Variants in RNF212B observed in about 807,000 individuals in gnomAD.
RNF212B encodes E3 ubiquitin-protein ligase RNF212B.
In RNF212B, 52 loss-of-function variants were observed where a neutral mutation model predicts 55.5. The ratio of observed to expected loss-of-function variants is 0.94; its 90% confidence interval spans 0.75 to 1.18. The LOEUF (loss-of-function observed/expected upper bound fraction) is 1.18, where lower values mean the gene tolerates loss of function less well. RNF212B is among the 50% of genes most tolerant of loss of function. The pLI is 0.00. For synonymous variants in RNF212B, 99 were observed against 121.4 expected (o/e 0.82, Z 1.21); for missense variants, 289 against 350.4 (o/e 0.82, Z 1.40).
At chr14:23,239,879 A>G (rs1449946097) in intron 1 of RNF212B, among the ~76,000 whole-genome samples, 2 of 152,072 alleles carry the variant, frequency 1.3e-5, no homozygotes, top group Non-Finnish European at 2.9e-5. Flanking sequence ...TCGGCCTCCC[A>G]AAGTGCTGGG....
chr14:23,210,200 G>T (rs1008202121), intron 2 of RNF212B, among the ~76,000 whole-genome samples: 1 of 152,104 alleles, frequency 6.6e-6, no homozygotes, highest in African/African-American at 2.4e-5. Flanking sequence ...GTTGAATCAT[G>T]ATACAAGCAT....
Position 23,243,260 on chromosome 14 carries a change from A to AAC in RNF212B, c.105_106insAC (p.Cys36ThrfsTer18). 1 of 1,549,542 alleles carries AAC rather than the reference A, an allele frequency of 6.5e-7. No individual in the cohort carries two copies. Among genetic ancestry groups the AAC allele is most frequent in the Non-Finnish European group, 8.7e-7 (1 of 1,146,820 alleles). ...TTTTTTCCCTTTTCCTCCCAGAAAAATGTGCTGTTTGTGGAACTGCCTGCA... is the reference window on the plus strand; with the variant it reads ...TTTTTTCCCTTTTCCTCCCAGAAAAAACTGTGCTGTTTGTGGAACTGCCTGCA... On this transcript the variant is annotated frameshift_variant, in exon 3 of 15. Transcript: ENST00000430154. LOFTEE classifies it high-confidence loss of function.
upstream of RNF212B, among the ~76,000 whole-genome samples, chr14:23,232,945 T>A (rs866343432): frequency 6.6e-6 from 1 of 151,990 alleles, no homozygotes; most frequent in Admixed American, 6.5e-5. Flanking sequence ...ATGATGACGA[T>A]GGTGGTTTTG....
intron 2 of RNF212B, among the ~76,000 whole-genome samples, chr14:23,194,301 C>G (rs1007031781): frequency 7.2e-5 from 11 of 152,204 alleles, no homozygotes; most frequent in Admixed American, 1.3e-4. Context: ...ATTAAAAGAA[C>G]ACTCAAGAAG....
chr14:23,240,569 C>A, intron 2 of RNF212B, 124 bp downstream of exon 2: 1 of 551,928 alleles, frequency 1.8e-6, no homozygotes. Context: ...GATAAAGATA[C>A]TGTAGGAAAC....
intron 1 of RNF212B, among the ~76,000 whole-genome samples, chr14:23,191,565 T>C (rs138424719): frequency 6.6e-6 from 1 of 152,286 alleles, no homozygotes; most frequent in Non-Finnish European, 1.5e-5. Flanking sequence ...TTTTATCTTT[T>C]AGATATATAT....
chr14:23,216,971 G>C (rs1881142922), intron 2 of RNF212B, among the ~76,000 whole-genome samples: 2 of 144,384 alleles, frequency 1.4e-5, no homozygotes, highest in African/African-American at 5.1e-5. Context: ...TAAAATTATA[G>C]AACTGGAGAG....
Position 23,273,100 on chromosome 14 carries a change from GATGTT to G in RNF212B, c.*210_*214del. The G allele has an allele frequency of 2.5e-6, 1 of 401,104 alleles. No individual in the cohort carries two copies. The highest frequency in any genetic ancestry group is 2.1e-5 in the African/African-American group (1 of 48,152). The allele number at this position is 401,104 out of a possible 1,614,324, so 24.8% of individuals were successfully genotyped here. A position where few individuals can be genotyped will look rare whatever the true frequency, so the allele number is the denominator to read the frequency against. On this transcript the variant is annotated 3_prime_UTR_variant, in exon 15 of 15. Coordinates refer to ENST00000430154, the MANE Select transcript of RNF212B (RefSeq NM_001282322.3). ...TTACAAAAGGCTAGTGCTTCAGGAA[GATGTT>G]TATATCTCTTCCAGAAGACACTGGT...
intron 2 of RNF212B, among the ~76,000 whole-genome samples, chr14:23,214,240 T>A (rs1880854866): frequency 2.6e-5 from 4 of 152,198 alleles, no homozygotes; most frequent in Non-Finnish European, 5.9e-5. Flanking sequence ...AAGCCTGTAA[T>A]CCCAGCATTT....
At chr14:23,189,678 G>A (rs1190526102) in intron 1 of RNF212B, among the ~76,000 whole-genome samples, 1 of 152,012 alleles carries the variant, frequency 6.6e-6, no homozygotes, top group Non-Finnish European at 1.5e-5. Flanking sequence ...GTGTGGTGGT[G>A]CATGCCTGTA....
In RNF212B at chr14:23,227,607, T is replaced by TTTTTG. The variant is rs147863352; in HGVS notation, c.-1-12735_-1-12734insTGTTT. Among the ~76,000 whole-genome samples the TTTTTG allele has an allele frequency of 1.4e-3, 216 of 151,996 alleles. 1 individual carries two copies. Among genetic ancestry groups the TTTTTG allele is most frequent in the African/African-American group, 5.2e-3 (214 of 41,464 alleles). ...ACATTAAATCGAACAAAAAGTGTTT[T>TTTTTG]TTTGTTTGTTTTGAGACTAGTTCTC... On this transcript the variant is annotated intron_variant, in intron 2 of 15. Coordinates refer to the RNF212B transcript ENST00000399910.
chr14:23,222,846 A>G, intron 2 of RNF212B, among the ~76,000 whole-genome samples: 1 of 152,076 alleles, frequency 6.6e-6, no homozygotes, highest in East Asian at 1.9e-4. Context: ...TGAGGTCAGG[A>G]GTTCGAGACC....
At chr14:23,195,038 G>T (rs887336316) in intron 2 of RNF212B, among the ~76,000 whole-genome samples, 1 of 152,018 alleles carries the variant, frequency 6.6e-6, no homozygotes, top group Admixed American at 6.6e-5. Context: ...AGAAAATAAG[G>T]TAAAGACTTT....
chr14:23,196,226 T>C (rs970227134), intron 2 of RNF212B, among the ~76,000 whole-genome samples: 4 of 152,134 alleles, frequency 2.6e-5, no homozygotes, highest in African/African-American at 9.7e-5. Context: ...TTCTTTCTGA[T>C]TGTAACTACC....
chr14:23,265,484 C>T (rs1208423498), intron 11 of RNF212B, among the ~76,000 whole-genome samples: 2 of 152,288 alleles, frequency 1.3e-5, no homozygotes, highest in South Asian at 2.1e-4. Context: ...TAGAGAATAC[C>T]TATCAGAGAA....
At chr14:23,226,457 C>A (rs1036830690) in intron 2 of RNF212B, among the ~76,000 whole-genome samples, 2 of 151,790 alleles carry the variant, frequency 1.3e-5, no homozygotes, top group Non-Finnish European at 2.9e-5. Flanking sequence ...GGTGGAACCC[C>A]ATCTCTACTA....
intron 14 of RNF212B, 177 bp from the exon 15 acceptor site, chr14:23,272,646 A>G (rs954326958): frequency 4.8e-6 from 3 of 624,426 alleles, no homozygotes; most frequent in African/African-American, 3.7e-5. Context: ...AGATTGTCAC[A>G]CTAGATGTAG....
chr14:23,251,687 G>A (rs1452681002), intron 4 of RNF212B, among the ~76,000 whole-genome samples: 1 of 151,968 alleles, frequency 6.6e-6, no homozygotes. Context: ...GTGGTGGCGG[G>A]CGCCTGTAAT....
At chr14:23,256,492 C>T (rs1350786534) in intron 4 of RNF212B, among the ~76,000 whole-genome samples, 2 of 152,072 alleles carry the variant, frequency 1.3e-5, no homozygotes, top group Non-Finnish European at 2.9e-5. Flanking sequence ...CTGCCTCAGC[C>T]TCTCCATTAG....
Sources: allele counts gnomAD v4.1 joint callset (sites outside exome capture counted in the v4.1 genomes callset), GRCh38; gene constraint gnomAD v4.1.1; transcripts MANE v1.5; gene names NCBI Gene and HGNC (gene_info 2026-07-23, HGNC 2026-07-21).